Variants in CACNA2D2 observed in about 807,000 individuals in gnomAD.
The protein encoded by CACNA2D2 is voltage-dependent calcium channel subunit alpha-2/delta-2.
In CACNA2D2, 48 loss-of-function variants were observed where a neutral mutation model predicts 166.4. That is an observed-to-expected ratio of 0.29 (90% CI 0.23 to 0.37). The LOEUF (loss-of-function observed/expected upper bound fraction) is 0.37, where lower values mean the gene tolerates loss of function less well. CACNA2D2 is among the 10% of genes least tolerant of loss of function. CACNA2D2 has a pLI of 1.00. For synonymous variants in CACNA2D2, 561 were observed against 573.7 expected, an observed-to-expected ratio of 0.98 and a Z score of 0.32; for missense variants, 1,122 against 1,433.0, an observed-to-expected ratio of 0.78 and a Z score of 3.50.
rs961872296 is a variant in CACNA2D2, at chr3:50,364,726, G to A, written c.3372C>T (p.Leu1124=). ...GCTGCGGCCGGGGCGGCAGGCCCAG[G>A]AGGAGCAGCAGTTGCAGGGAGACCA... ...GVLVSLQLLL[L]LGLPPRPQPQ... The change falls in exon 38 of 38, where the codon CTC becomes CTT. Residue 1124 remains leucine, a synonymous_variant. Coordinates refer to ENST00000424201, the MANE Select transcript of CACNA2D2 (RefSeq NM_006030.4). The A allele has an allele frequency of 9.6e-6, 15 of 1,555,032 alleles. No homozygotes were observed. The highest frequency in any genetic ancestry group is 2.7e-5 in the African/African-American group (2 of 73,060).
At chr3:50,419,209 C>T (rs1022547656) in intron 3 of CACNA2D2, among the ~76,000 whole-genome samples, 1 of 152,136 alleles carries the variant, frequency 6.6e-6, no homozygotes, top group Admixed American at 6.5e-5. Context: ...TTAGTGGGCT[C>T]CCTCTCTAAA....
chr3:50,387,317 C>T (rs748979068), intron 5 of CACNA2D2, among the ~76,000 whole-genome samples: 16 of 152,186 alleles, frequency 1.1e-4, no homozygotes, highest in South Asian at 2.1e-4. Context: ...TAAACTGCCC[C>T]GTGCGGGAAG....
chr3:50,500,628 C>G (rs1480078252), intron 1 of CACNA2D2, among the ~76,000 whole-genome samples: 3 of 152,022 alleles, frequency 2.0e-5, no homozygotes, highest in Non-Finnish European at 2.9e-5. Context: ...TGTGCTCGGA[C>G]TCAGGTCCCC....
At chr3:50,393,974 G>T in intron 4 of CACNA2D2, 135 bp downstream of exon 4, 1 of 721,618 alleles carries the variant, frequency 1.4e-6, no homozygotes. Flanking sequence ...CTGAATGTTG[G>T]ACACCGGCTT....
At chr3:50,416,601 G>C (rs772680619) in intron 3 of CACNA2D2, among the ~76,000 whole-genome samples, 1 of 152,228 alleles carries the variant, frequency 6.6e-6, no homozygotes, top group Non-Finnish European at 1.5e-5. Context: ...TGGGCCCCAG[G>C]GGCTGTGCAG....
intron 3 of CACNA2D2, among the ~76,000 whole-genome samples, chr3:50,431,976 G>A (rs780074327): frequency 7.7e-4 from 74 of 96,054 alleles, no homozygotes; most frequent in Middle Eastern, 0.01. Context: ...CAGAGTGTCT[G>A]TCTCAAAAAA....
At position 50,375,789 on chromosome 3, in the gene CACNA2D2, C is replaced by T. The variant is rs1222034059; in HGVS notation, c.1845+20G>A. ...AGGGTGCCCACCCTGACTCCCTGGC[C>T]CCCAGCCCTGCCTCCTTACCTCATC... On this transcript the variant is annotated intron_variant, in intron 20 of 37. Coordinates refer to ENST00000424201, the MANE Select transcript of CACNA2D2 (RefSeq NM_006030.4). The surrounding 1 kb of genome is among the most constrained non-coding windows in gnomAD (Gnocchi z 4.0). 1 of 1,612,948 alleles carries T rather than the reference C, an allele frequency of 6.2e-7. No individual in the cohort carries two copies. The highest frequency in any genetic ancestry group is 1.1e-5 in the South Asian group (1 of 91,086).
At position 50,476,098 on chromosome 3, in the gene CACNA2D2, G is replaced by T; in HGVS notation, c.288+20C>A. The T allele has an allele frequency of 6.4e-7, 1 of 1,574,330 alleles. No homozygotes were observed. Among genetic ancestry groups the T allele is most frequent in the South Asian group, 1.2e-5 (1 of 86,746 alleles). ...TTGGAAGAGGGTCCCTGAAGAGACA[G>T]CAAGTGGCACCGGGCTCACCTCACG... On this transcript the variant is annotated intron_variant, in intron 2 of 37. Transcript: ENST00000424201.
chr3:50,395,929 C>T (rs892956591), intron 3 of CACNA2D2, among the ~76,000 whole-genome samples: 1 of 152,154 alleles, frequency 6.6e-6, no homozygotes, highest in African/African-American at 2.4e-5. Flanking sequence ...CCTCTCACCC[C>T]ACAGAGCTGG....
At chr3:50,416,998 C>T (rs962357938) in intron 3 of CACNA2D2, among the ~76,000 whole-genome samples, 3 of 152,178 alleles carry the variant, frequency 2.0e-5, no homozygotes, top group East Asian at 3.9e-4. Context: ...ATGGGCTCTA[C>T]GTGTGCTCCT....
At chr3:50,476,910 T>C (rs528106867) in intron 1 of CACNA2D2, among the ~76,000 whole-genome samples, 66 of 152,012 alleles carry the variant, frequency 4.3e-4, no homozygotes, top group Admixed American at 2.6e-3. Context: ...CACCCTGGGA[T>C]TGCTCTTTGT....
chr3:50,502,463 G>A (rs1308060521), intron 1 of CACNA2D2, among the ~76,000 whole-genome samples: 1 of 152,226 alleles, frequency 6.6e-6, no homozygotes, highest in Non-Finnish European at 1.5e-5. Flanking sequence ...GGCTCTTGGG[G>A]AGGAGGAGAA....
At chr3:50,420,722 T>C (rs1265739765) in intron 3 of CACNA2D2, among the ~76,000 whole-genome samples, 1 of 152,196 alleles carries the variant, frequency 6.6e-6, no homozygotes, top group Non-Finnish European at 1.5e-5. Flanking sequence ...CTGGGGTTCC[T>C]GTCAGCTGTG....
Position 50,380,904 on chromosome 3 carries a change from G to T in CACNA2D2, c.784+91C>A, listed in dbSNP as rs1248526373. On this transcript the variant is annotated intron_variant, in intron 7 of 37. Coordinates refer to ENST00000424201, the MANE Select transcript of CACNA2D2 (RefSeq NM_006030.4). The surrounding 1 kb of genome is among the most constrained non-coding windows in gnomAD (Gnocchi z 4.9). ...CTGGGCTGCCACAGACTACAGAGAA[G>T]CCACCCCGCCCCATGCCCCCAGGAT... The T allele has an allele frequency of 6.4e-6, 10 of 1,561,932 alleles. No homozygotes were observed. Among genetic ancestry groups the T allele is most frequent in the Non-Finnish European group, 8.7e-6 (10 of 1,148,980 alleles).
intron 1 of CACNA2D2, among the ~76,000 whole-genome samples, chr3:50,483,402 T>C (rs536934030): frequency 5.9e-5 from 9 of 152,330 alleles, no homozygotes; most frequent in Non-Finnish European, 1.3e-4. Context: ...CTTGGGACCC[T>C]GCCCAGATAC....
At chr3:50,462,639 C>T (rs570746330) in intron 2 of CACNA2D2, among the ~76,000 whole-genome samples, 15 of 151,768 alleles carry the variant, frequency 9.9e-5, no homozygotes, top group Admixed American at 5.9e-4. Flanking sequence ...CCTCCTCTCC[C>T]GCAGCAGGAT....
intron 2 of CACNA2D2, among the ~76,000 whole-genome samples, chr3:50,456,509 TGA>T (rs1709366285): frequency 6.6e-6 from 1 of 152,230 alleles, no homozygotes; most frequent in South Asian, 2.1e-4. Flanking sequence ...GCTAGGTGGC[TGA>T]GAGTCTGTCC....
At chr3:50,462,828 G>T (rs781085388) in intron 2 of CACNA2D2, among the ~76,000 whole-genome samples, 16 of 151,816 alleles carry the variant, frequency 1.1e-4, no homozygotes, top group Non-Finnish European at 2.1e-4. Context: ...TACACCAGGC[G>T]CCTGTGTAAC....
At position 50,366,413 on chromosome 3, in the gene CACNA2D2, T is replaced by C. The variant is rs995948274; in HGVS notation, c.2638-75A>G. On this transcript the variant is annotated intron_variant, in intron 30 of 37. Transcript: ENST00000424201. The surrounding 1 kb of genome is among the most constrained non-coding windows in gnomAD (Gnocchi z 5.9). Reference sequence around the variant, plus strand: ...CCTTCCACCGCAGGCAGTCCAGTGGTTCAGAGTTGGGGGGCATCACTCCCC... The same window carrying C: ...CCTTCCACCGCAGGCAGTCCAGTGGCTCAGAGTTGGGGGGCATCACTCCCC... 3 of 1,538,916 alleles carry C rather than the reference T, an allele frequency of 1.9e-6. No individual in the cohort carries two copies. The highest frequency in any genetic ancestry group is 2.7e-6 in the Non-Finnish European group (3 of 1,112,248).
Sources: gnomAD v4.1 joint callset for allele counts (sites outside exome capture counted in the v4.1 genomes callset) on GRCh38, gnomAD v4.1.1 for gene constraint, Gnocchi (gnomAD v3.1) non-coding constraint, MANE v1.5 for transcripts, NCBI Gene and HGNC (gene_info 2026-07-23, HGNC 2026-07-21) for gene names.